CDH18: variants seen among roughly 807,000 people sequenced by gnomAD.
CDH18 encodes cadherin-18.
CDH18 carries 31 observed loss-of-function variants against 67.9 expected under a neutral mutation model. That is an observed-to-expected ratio of 0.46 (90% CI 0.34 to 0.62). The LOEUF is 0.62. Ranked by LOEUF, CDH18 falls within the 20% of genes least tolerant of loss-of-function variation. The probability of loss-of-function intolerance (pLI) is 0.01; values close to 1 mark genes in which losing one functional copy is unlikely to be tolerated. For missense variants in CDH18, 890 were observed against 975.5 expected (o/e 0.91, Z 1.17); for synonymous variants, 362 against 347.2 (o/e 1.04, Z -0.48).
intron 1 of CDH18, among the ~76,000 whole-genome samples, chr5:20,554,508 C>A (rs1757798114): frequency 6.6e-6 from 1 of 152,188 alleles, no homozygotes; most frequent in South Asian, 2.1e-4. Context: ...TAATGCTTCT[C>A]ACTAGGACTA....
At chr5:20,214,380 A>G (rs1740593956) in intron 2 of CDH18, among the ~76,000 whole-genome samples, 1 of 152,056 alleles carries the variant, frequency 6.6e-6, no homozygotes, top group Non-Finnish European at 1.5e-5. Context: ...CCCTAATACC[A>G]AGGCAGTCCT....
rs543865701 is a variant in CDH18 at position 20,104,669 on chromosome 5, A to G, written c.-517-112655T>C. 7.9e-5 allele frequency among the ~76,000 whole-genome samples: 12 copies of G among 152,130 alleles called. No individual in the cohort carries two copies. In the East Asian group the frequency reaches 2.1e-3, roughly 27 times the overall value. ...CAGTGCACAGCTCCTCCCATCCCCGAGAACCATTCCAAGTGCTGTTCCAAT... is the reference window on the plus strand; with the variant it reads ...CAGTGCACAGCTCCTCCCATCCCCGGGAACCATTCCAAGTGCTGTTCCAAT... On this transcript the variant is annotated intron_variant, in intron 2 of 14. Transcript: ENST00000507958.
chr5:19,579,904 C>CCCT (rs1742960171), intron 7 of CDH18, among the ~76,000 whole-genome samples: 2 of 151,560 alleles, frequency 1.3e-5, no homozygotes, highest in Non-Finnish European at 3.0e-5. Context: ...ATCCACCCCC[C>CCCT]CCAAAGAAAT....
chr5:19,760,866 G>C (rs1170172333), intron 3 of CDH18, among the ~76,000 whole-genome samples: 2 of 152,142 alleles, frequency 1.3e-5, no homozygotes, highest in East Asian at 3.9e-4. Context: ...CGTTGCCTCA[G>C]GCAGCACAGA....
intron 2 of CDH18, among the ~76,000 whole-genome samples, chr5:20,144,564 G>T (rs892548288): frequency 3.9e-5 from 6 of 152,108 alleles, no homozygotes; most frequent in African/African-American, 1.4e-4. Context: ...ATAATATTTA[G>T]ATGGGATTTT....
chr5:19,905,633 T>C (rs188301352), intron 2 of CDH18, among the ~76,000 whole-genome samples: 9 of 152,110 alleles, frequency 5.9e-5, no homozygotes, highest in African/African-American at 2.2e-4. Context: ...ATAATATTAT[T>C]TTTTTACCTA....
At chr5:19,816,710 A>G (rs899157001) in intron 3 of CDH18, among the ~76,000 whole-genome samples, 3 of 151,804 alleles carry the variant, frequency 2.0e-5, no homozygotes, top group Admixed American at 2.0e-4. Flanking sequence ...CTGCTGCATC[A>G]TTCTTTTTTA....
chr5:19,966,363 G>A (rs761180915), intron 2 of CDH18, among the ~76,000 whole-genome samples: 3 of 152,074 alleles, frequency 2.0e-5, no homozygotes, highest in East Asian at 1.9e-4. Flanking sequence ...CTAAAAGTAT[G>A]AAGGCCTGAG....
intron 1 of CDH18, among the ~76,000 whole-genome samples, chr5:20,295,871 T>C (rs1580689732): frequency 1.1e-5 from 1 of 92,712 alleles, no homozygotes; most frequent in South Asian, 5.2e-4. Context: ...TTCTTTTTTT[T>C]CTTTTTTTTT....
rs147798505 is a variant in CDH18, at chr5:20,237,302, A to G, written c.-518+18142T>C. ...ATATTTGCTCTCATTAATTCATTCA[A>G]TAGTGTACAGGGGTTTCTTGCCCAT... On this transcript the variant is annotated intron_variant, in intron 2 of 14. Coordinates refer to the CDH18 transcript ENST00000507958. Among the ~76,000 whole-genome samples the G allele has an allele frequency of 2.6e-3, 393 of 152,058 alleles. 3 individuals are homozygous for G. The highest frequency in any genetic ancestry group is 3.7e-3 in the Admixed American group (57 of 15,286).
At chr5:20,278,589 T>C (rs1237470412) in intron 1 of CDH18, among the ~76,000 whole-genome samples, 1 of 152,136 alleles carries the variant, frequency 6.6e-6, no homozygotes, top group Non-Finnish European at 1.5e-5. Flanking sequence ...TGATAGCAAG[T>C]ACATAGAGGA....
intron 1 of CDH18, among the ~76,000 whole-genome samples, chr5:20,463,547 G>A (rs1751419490): frequency 6.6e-6 from 1 of 152,104 alleles, no homozygotes; most frequent in South Asian, 2.1e-4. Flanking sequence ...CAGGAGAAAT[G>A]CCAGACACTT....
At chr5:19,506,125 G>GAC (rs1488826821) in intron 10 of CDH18, among the ~76,000 whole-genome samples, 37 of 151,952 alleles carry the variant, frequency 2.4e-4, no homozygotes, top group Middle Eastern at 6.8e-3. Context: ...ACACATAACA[G>GAC]AGAGCCAAAT....
intron 2 of CDH18, among the ~76,000 whole-genome samples, chr5:20,094,018 C>T (rs1745669199): frequency 6.6e-6 from 1 of 151,812 alleles, no homozygotes. Context: ...ACTCCTGGTG[C>T]CAAGAAAACA....
intron 2 of CDH18, among the ~76,000 whole-genome samples, chr5:20,083,089 C>A (rs1744625607): frequency 6.6e-6 from 1 of 152,044 alleles, no homozygotes; most frequent in Non-Finnish European, 1.5e-5. Context: ...AGGTGGGGTA[C>A]AATGATAAAA....
intron 2 of CDH18, among the ~76,000 whole-genome samples, chr5:20,251,590 ATGTAATCAAGGTT>A (rs2126597706): frequency 6.6e-6 from 1 of 152,318 alleles, no homozygotes; most frequent in Admixed American, 6.5e-5. Flanking sequence ...AGAGTTTGTA[ATGTAATCAAGGTT>A]GGAGTATTTT....
intron 2 of CDH18, among the ~76,000 whole-genome samples, chr5:20,025,818 T>C (rs1468962745): frequency 6.6e-6 from 1 of 152,222 alleles, no homozygotes; most frequent in African/African-American, 2.4e-5. Flanking sequence ...GATTGTTTTC[T>C]AAGCTAGTCA....
intron 10 of CDH18, among the ~76,000 whole-genome samples, chr5:19,520,261 A>G (rs1478099713): frequency 1.3e-5 from 2 of 152,094 alleles, no homozygotes; most frequent in Non-Finnish European, 2.9e-5. Flanking sequence ...TCACTCAATC[A>G]TCATTCCTGT....
chr5:19,979,321 T>C (rs1316779879), intron 2 of CDH18, among the ~76,000 whole-genome samples: 1 of 151,922 alleles, frequency 6.6e-6, no homozygotes, highest in Non-Finnish European at 1.5e-5. Context: ...GAAATAATCT[T>C]GCAATATAGT....
Sources: gnomAD v4.1 joint callset for allele counts (sites outside exome capture counted in the v4.1 genomes callset) on GRCh38, gnomAD v4.1.1 for gene constraint, MANE v1.5 for transcripts, NCBI Gene and HGNC (gene_info 2026-07-23, HGNC 2026-07-21) for gene names.